HIPK2: variants seen among roughly 807,000 people sequenced by gnomAD.
HIPK2 encodes the protein homeodomain interacting protein kinase 2, also known as homeodomain-interacting protein kinase 2.
In HIPK2, 27 loss-of-function variants were observed where a neutral mutation model predicts 113.7. The observed-to-expected ratio is 0.24, with a 90% confidence interval of 0.17 to 0.33. The LOEUF (loss-of-function observed/expected upper bound fraction) is 0.33, where lower values mean the gene tolerates loss of function less well. Ranked by LOEUF, HIPK2 falls within the 10% of genes least tolerant of loss-of-function variation. The pLI is 1.00. For synonymous variants in HIPK2, 631 were observed against 642.2 expected (o/e 0.98, Z 0.26); for missense variants, 1,257 against 1,588.0 (o/e 0.79, Z 3.54).
At chr7:139,775,313 G>A (rs970785282) in intron 1 of HIPK2, among the ~76,000 whole-genome samples, 1 of 152,046 alleles carries the variant, frequency 6.6e-6, no homozygotes, top group East Asian at 1.9e-4. Flanking sequence ...TCAGAGTCTT[G>A]GCACACTCAT....
At chr7:139,596,033 G>A (rs944418265) in intron 12 of HIPK2, among the ~76,000 whole-genome samples, 3 of 152,196 alleles carry the variant, frequency 2.0e-5, no homozygotes, top group East Asian at 1.9e-4. Flanking sequence ...GAGGCCAACT[G>A]TTCTAGAGGG....
chr7:139,758,086 T>C (rs1044797836), intron 1 of HIPK2, among the ~76,000 whole-genome samples: 2 of 152,206 alleles, frequency 1.3e-5, no homozygotes, highest in African/African-American at 2.4e-5. Context: ...AAGAAATTTA[T>C]AAATTTAATG....
At chr7:139,589,841 T>C (rs1047582764) in intron 12 of HIPK2, among the ~76,000 whole-genome samples, 3 of 152,254 alleles carry the variant, frequency 2.0e-5, no homozygotes, top group African/African-American at 4.8e-5. Context: ...TTGTTGTAGC[T>C]GGGGAGCCCC....
At chr7:139,615,741 A>T (rs868656664) in intron 7 of HIPK2, among the ~76,000 whole-genome samples, 1 of 152,250 alleles carries the variant, frequency 6.6e-6, no homozygotes, top group Non-Finnish European at 1.5e-5. Context: ...ACATTTGATA[A>T]AAAGGACAAA....
intron 1 of HIPK2, among the ~76,000 whole-genome samples, chr7:139,740,351 C>T (rs1796064254): frequency 6.6e-6 from 1 of 152,226 alleles, no homozygotes; most frequent in Non-Finnish European, 1.5e-5. Flanking sequence ...AGAGCCAGCA[C>T]CTGGCATGGC....
At chr7:139,658,143 T>G (rs1229897635) in intron 2 of HIPK2, among the ~76,000 whole-genome samples, 1 of 152,100 alleles carries the variant, frequency 6.6e-6, no homozygotes, top group African/African-American at 2.4e-5. Flanking sequence ...CCGTCTCTAC[T>G]AAAAATAGAA....
intron 2 of HIPK2, among the ~76,000 whole-genome samples, chr7:139,653,388 G>A (rs1569465370): frequency 6.6e-6 from 1 of 151,346 alleles, no homozygotes; most frequent in South Asian, 2.1e-4. Flanking sequence ...ATGCAGTGCT[G>A]AGGACTATCA....
chr7:139,597,622 C>A (rs1416084756), intron 11 of HIPK2, among the ~76,000 whole-genome samples: 1 of 152,160 alleles, frequency 6.6e-6, no homozygotes, highest in East Asian at 1.9e-4. Flanking sequence ...TTGCTAAAAA[C>A]CTTAAAAATG....
At chr7:139,636,013 C>T (rs1800800906) in intron 2 of HIPK2, among the ~76,000 whole-genome samples, 1 of 152,214 alleles carries the variant, frequency 6.6e-6, no homozygotes, top group Admixed American at 6.5e-5. Context: ...ACCTCTTCAC[C>T]TCACAGCATT....
At chr7:139,676,212 G>A (rs1039111685) in intron 2 of HIPK2, among the ~76,000 whole-genome samples, 7 of 152,198 alleles carry the variant, frequency 4.6e-5, no homozygotes, top group Admixed American at 1.3e-4. Context: ...CTCTGCTGAC[G>A]TGGCACAAGA....
At chr7:139,706,668 C>T (rs149996140) in intron 2 of HIPK2, among the ~76,000 whole-genome samples, 1 of 152,226 alleles carries the variant, frequency 6.6e-6, no homozygotes, top group African/African-American at 2.4e-5. Context: ...CAGAGCCCAG[C>T]CTGGCTCCCG....
chr7:139,693,891 C>G (rs1794487607), intron 2 of HIPK2, among the ~76,000 whole-genome samples: 1 of 152,138 alleles, frequency 6.6e-6, no homozygotes, highest in African/African-American at 2.4e-5. Context: ...CCGCAGGCAG[C>G]AGGCACTCAA....
At chr7:139,622,908 C>T (rs922536185) in intron 6 of HIPK2, among the ~76,000 whole-genome samples, 4 of 152,116 alleles carry the variant, frequency 2.6e-5, no homozygotes, top group African/African-American at 4.8e-5. Context: ...GTGACCAAGC[C>T]GTGAAACACT....
chr7:139,607,771 A>AGAAATTGTGTGT, intron 9 of HIPK2, among the ~76,000 whole-genome samples: 1 of 152,094 alleles, frequency 6.6e-6, no homozygotes, highest in Non-Finnish European at 1.5e-5. Context: ...GGAACAGGAG[A>AGAAATTGTGTGT]GAAATTGTGT....
chr7:139,562,732 G>C lies in HIPK2; in HGVS notation c.*10195C>G, dbSNP rs531028182. On this transcript the variant is annotated 3_prime_UTR_variant, in exon 15 of 15. Coordinates refer to ENST00000406875, the MANE Select transcript of HIPK2 (RefSeq NM_022740.5). ...CGCCACGCCTCAGCCCCATGTGTGC[G>C]GAGTGGCCTGGGACACAGCCCATGC... is the stretch of plus-strand genomic sequence containing the variant. 1 of 152,254 alleles carries C rather than the reference G, an allele frequency of 6.6e-6. No homozygotes were observed. Among genetic ancestry groups the C allele is most frequent in the African/African-American group, 2.4e-5 (1 of 41,458 alleles). 9.4% of individuals were successfully genotyped at this position (152,254 alleles called of 1,614,324 possible). A position where few individuals can be genotyped will look rare whatever the true frequency, so the allele number is the denominator to read the frequency against.
At chr7:139,758,669 A>G (rs1796401325) in intron 1 of HIPK2, among the ~76,000 whole-genome samples, 1 of 152,194 alleles carries the variant, frequency 6.6e-6, no homozygotes, top group African/African-American at 2.4e-5. Flanking sequence ...CGAGGGATCC[A>G]GATTGTGCGC....
At chr7:139,667,092 C>A (rs1802076292) in intron 2 of HIPK2, among the ~76,000 whole-genome samples, 1 of 151,944 alleles carries the variant, frequency 6.6e-6, no homozygotes, top group Non-Finnish European at 1.5e-5. Context: ...CAAAAAAACT[C>A]CACACTCTAA....
chr7:139,639,826 G>A (rs569630787), intron 2 of HIPK2, among the ~76,000 whole-genome samples: 4 of 152,208 alleles, frequency 2.6e-5, no homozygotes, highest in Admixed American at 6.5e-5. Context: ...CCTGGAGCTG[G>A]CAATGCCACC....
At chr7:139,614,551 G>GCACC in intron 7 of HIPK2, 58 bp from the exon 8 acceptor site, 17 of 826,292 alleles carry the variant, frequency 2.1e-5, no homozygotes, top group Non-Finnish European at 2.5e-5. Flanking sequence ...GAGGGAGGTG[G>GCACC]CATGTTGGGA....
Sources: gnomAD v4.1 joint callset for allele counts (sites outside exome capture counted in the v4.1 genomes callset) on GRCh38, gnomAD v4.1.1 for gene constraint, MANE v1.5 for transcripts, NCBI Gene and HGNC (gene_info 2026-07-23, HGNC 2026-07-21) for gene names.